The following PDE3B variants were observed in gnomAD, a reference collection of about 807,000 sequenced individuals.
PDE3B encodes the protein phosphodiesterase 3B, also known as cGMP-inhibited 3',5'-cyclic phosphodiesterase 3B.
PDE3B carries 66 observed loss-of-function variants against 116.8 expected under a neutral mutation model. The observed-to-expected ratio is 0.56, with a 90% CI of 0.46 to 0.69. PDE3B has a LOEUF of 0.69. Among genes scored for constraint, PDE3B ranks in the 30% least tolerant of loss-of-function variants. The probability of loss-of-function intolerance (pLI) is 0.00; values close to 1 mark genes in which losing one functional copy is unlikely to be tolerated. For synonymous variants in PDE3B, 595 were observed against 533.6 expected, an observed-to-expected ratio of 1.12 and a Z score of -1.59; for missense variants, 1,384 against 1,368.1, an observed-to-expected ratio of 1.01 and a Z score of -0.18.
intron 11 of PDE3B, among the ~76,000 whole-genome samples, chr11:14,840,112 CGTT>C (rs755586906): frequency 2.0e-5 from 3 of 152,208 alleles, no homozygotes; most frequent in Non-Finnish European, 4.4e-5. Flanking sequence ...AATTTCTACT[CGTT>C]GTGCAAATTA....
At position 14,867,678 on chromosome 11, in the gene PDE3B, A is replaced by G; in HGVS notation, c.3059A>G (p.Asn1020Ser). Residue 1020 changes from asparagine (N) to serine (S), a missense_variant, in exon 15 of 16, where the codon AAT (asparagine) becomes AGT (serine). Asn to Ser is a conservative substitution (Grantham distance 46, BLOSUM62 1). Around this residue, in one of 2 missense-constraint regions of PDE3B, gnomAD observed 428 missense variants for 561.4 expected, o/e 0.76. Coordinates refer to ENST00000282096, the MANE Select transcript of PDE3B (RefSeq NM_000922.4). ...CAGTGGTTAGAAGCAGAAGAGGATA[A>G]TGATACTGAAAGTGGTGATGATGAA... ...PGQWLEAEED[N>S]DTESGDDEDG... The G allele has an allele frequency of 3.7e-6, 6 of 1,613,958 alleles. No individual in the cohort carries two copies. In the South Asian group the frequency reaches 6.6e-5, roughly 18 times the overall value.
chr11:14,699,781 A>C (rs1333262214), intron 1 of PDE3B, among the ~76,000 whole-genome samples: 1 of 151,852 alleles, frequency 6.6e-6, no homozygotes, highest in African/African-American at 2.4e-5. Context: ...TCATTTTTAA[A>C]GCAGAAGGTG....
intron 1 of PDE3B, among the ~76,000 whole-genome samples, chr11:14,714,921 A>G (rs1453557003): frequency 6.6e-6 from 1 of 152,112 alleles, no homozygotes; most frequent in Non-Finnish European, 1.5e-5. Flanking sequence ...CAGTATTTTC[A>G]CTCATATTTA....
chr11:14,869,137 C>T (rs1402547863), intron 15 of PDE3B, among the ~76,000 whole-genome samples: 2 of 151,988 alleles, frequency 1.3e-5, no homozygotes, highest in African/African-American at 4.8e-5. Context: ...AATTTCAGCA[C>T]GCTTCTTCCC....
chr11:14,690,694 A>G (rs1855020486), intron 1 of PDE3B, among the ~76,000 whole-genome samples: 1 of 151,506 alleles, frequency 6.6e-6, no homozygotes, highest in African/African-American at 2.4e-5. Flanking sequence ...GCACAGAATC[A>G]TGGAAGTTAA....
intron 1 of PDE3B, among the ~76,000 whole-genome samples, chr11:14,670,756 G>T (rs1303019929): frequency 6.6e-6 from 1 of 152,092 alleles, no homozygotes; most frequent in Non-Finnish European, 1.5e-5. Context: ...TTACGTAAGA[G>T]GAAATGTGTT....
chr11:14,648,545 G>T (rs1302897322), intron 1 of PDE3B, among the ~76,000 whole-genome samples: 2 of 151,812 alleles, frequency 1.3e-5, no homozygotes, highest in African/African-American at 4.8e-5. Flanking sequence ...TTACTATTTT[G>T]TGGTAAAATA....
chr11:14,772,040 A>G (rs2133898495), intron 2 of PDE3B, 53 bp downstream of exon 2: 1 of 768,518 alleles, frequency 1.3e-6, no homozygotes, highest in Middle Eastern at 2.3e-4. Context: ...TGTGATCACT[A>G]AATAATATCT....
intron 1 of PDE3B, among the ~76,000 whole-genome samples, chr11:14,765,278 G>A (rs1248313102): frequency 2.0e-5 from 3 of 151,664 alleles, no homozygotes; most frequent in African/African-American, 7.3e-5. Flanking sequence ...TTGATTTGAG[G>A]GCACATACAT....
intron 12 of PDE3B, 105 bp downstream of exon 12, chr11:14,844,131 T>C (rs904418393): frequency 5.1e-6 from 4 of 779,232 alleles, no homozygotes; most frequent in Admixed American, 4.1e-5. Flanking sequence ...CCAATCCATC[T>C]GACTTTAATA....
At chr11:14,891,624 G>GC in the PDE3B span, 1 of 1,075,776 alleles carries the variant, frequency 9.3e-7, no homozygotes, top group Non-Finnish European at 1.1e-6. Flanking sequence ...CAAGACGCCC[G>GC]CACCTGAGGG....
At chr11:14,668,266 G>T (rs904169978) in intron 1 of PDE3B, among the ~76,000 whole-genome samples, 3 of 151,944 alleles carry the variant, frequency 2.0e-5, no homozygotes, top group African/African-American at 7.3e-5. Flanking sequence ...AATACATGTG[G>T]GCCTACATTT....
At chr11:14,818,418 T>A (rs1349680160) in intron 6 of PDE3B, 25 bp downstream of exon 6, 3 of 1,496,086 alleles carry the variant, frequency 2.0e-6, no homozygotes, top group East Asian at 4.5e-5. Flanking sequence ...TGTTTATTAT[T>A]TCTGTTTCAA....
intron 1 of PDE3B, among the ~76,000 whole-genome samples, chr11:14,707,189 C>T (rs973940573): frequency 2.0e-5 from 3 of 151,824 alleles, no homozygotes; most frequent in African/African-American, 7.3e-5. Flanking sequence ...TATAGAAAGC[C>T]TTTGTGAGAT....
At chr11:14,674,360 T>G (rs943057261) in intron 1 of PDE3B, 2 of 757,184 alleles carry the variant, frequency 2.6e-6, no homozygotes, top group African/African-American at 3.5e-5. Context: ...TTAGTGTCCT[T>G]GTATTTGAGT....
intron 1 of PDE3B, among the ~76,000 whole-genome samples, chr11:14,687,645 A>C (rs1202827352): frequency 2.0e-5 from 3 of 152,190 alleles, no homozygotes; most frequent in African/African-American, 7.2e-5. Context: ...GGAACTTTCC[A>C]ACTGACCCAT....
the PDE3B span, among the ~76,000 whole-genome samples, chr11:14,897,320 C>T: frequency 6.6e-6 from 1 of 152,260 alleles, no homozygotes; most frequent in South Asian, 2.1e-4. Context: ...TGAAGGAGGC[C>T]TCCTAGCCCT....
At chr11:14,825,248 G>C (rs2133956616) in intron 7 of PDE3B, among the ~76,000 whole-genome samples, 1 of 152,250 alleles carries the variant, frequency 6.6e-6, no homozygotes, top group African/African-American at 2.4e-5. Context: ...TAATAACCAG[G>C]TAACAGCACA....
At chr11:14,734,739 T>C (rs1325766503) in intron 1 of PDE3B, among the ~76,000 whole-genome samples, 1 of 152,208 alleles carries the variant, frequency 6.6e-6, no homozygotes, top group Non-Finnish European at 1.5e-5. Flanking sequence ...TGGAAATCTG[T>C]ATATCCTCTG....
Sources: gnomAD v4.1 joint callset for allele counts (sites outside exome capture counted in the v4.1 genomes callset) on GRCh38, gnomAD v4.1.1 for gene constraint, gnomAD v4.1.1 regional missense constraint, MANE v1.5 for transcripts, NCBI Gene and HGNC (gene_info 2026-07-23, HGNC 2026-07-21) for gene names.